NUP43: variants seen among roughly 807,000 people sequenced by gnomAD.
NUP43 encodes nucleoporin Nup43.
Under a neutral mutation model 47.3 loss-of-function variants are expected in NUP43, and 32 were observed. The ratio of observed to expected loss-of-function variants is 0.68; its 90% CI spans 0.51 to 0.91. The LOEUF is 0.91. NUP43 is among the 40% of genes least tolerant of loss of function. The pLI is 0.00. For synonymous variants in NUP43, 147 were observed against 158.4 expected, an observed-to-expected ratio of 0.93 and a Z score of 0.54; for missense variants, 444 against 453.9, an observed-to-expected ratio of 0.98 and a Z score of 0.20.
intron 4 of NUP43, among the ~76,000 whole-genome samples, chr6:149,740,615 G>A (rs1480351871): frequency 5.9e-5 from 9 of 152,158 alleles, no homozygotes; most frequent in Admixed American, 2.0e-4. Context: ...GTGACAGAGC[G>A]TGACTCCATC....
Position 149,726,838 on chromosome 6 carries a change from T to G in NUP43, c.*131A>C. On this transcript the variant is annotated 3_prime_UTR_variant, in exon 8 of 8. Transcript: ENST00000340413. The stretch of plus-strand genomic sequence containing the variant: ...GCTAACAAAAGTCAAAACTGGGCAT[T>G]GACATTAATGGTAGTTTACTGATGT... 7 of 682,742 alleles carry G rather than the reference T, an allele frequency of 1.0e-5. No individual in the cohort carries two copies. The highest frequency in any genetic ancestry group is 1.8e-5 in the Non-Finnish European group (7 of 394,766). The allele number at this position is 682,742 out of a possible 1,614,324, so 42.3% of individuals were successfully genotyped here. A position where few individuals can be genotyped will look rare whatever the true frequency, so the allele number is the denominator to read the frequency against.
chr6:149,742,896 C>T (rs1191107666), intron 3 of NUP43, among the ~76,000 whole-genome samples: 1 of 152,172 alleles, frequency 6.6e-6, no homozygotes, highest in Non-Finnish European at 1.5e-5. Context: ...ACATATCTGG[C>T]CCACGGCTGT....
chr6:149,744,556 G>A (rs1025274696), intron 2 of NUP43, among the ~76,000 whole-genome samples: 19 of 145,830 alleles, frequency 1.3e-4, no homozygotes, highest in African/African-American at 3.6e-4. Flanking sequence ...GGAAAATATC[G>A]TCTGGGCATG....
intron 2 of NUP43, 73 bp downstream of exon 2, chr6:149,745,867 T>C (rs1562386312): frequency 9.4e-6 from 13 of 1,387,724 alleles, no homozygotes; most frequent in Non-Finnish European, 1.3e-5. Flanking sequence ...AGACAACTTT[T>C]ATGATGCTCT....
upstream of NUP43, among the ~76,000 whole-genome samples, chr6:149,748,448 A>G (rs958257668): frequency 6.6e-6 from 1 of 152,232 alleles, no homozygotes; most frequent in Non-Finnish European, 1.5e-5. Flanking sequence ...ACAAAATCGG[A>G]TAAGAACTAG....
intron 4 of NUP43, among the ~76,000 whole-genome samples, chr6:149,739,500 T>C (rs190077627): frequency 8.5e-5 from 13 of 152,260 alleles, no homozygotes; most frequent in African/African-American, 2.9e-4. Context: ...TTGGCCAGGC[T>C]GGTCTCGAAC....
intron 5 of NUP43, 107 bp from the exon 6 acceptor site, chr6:149,736,729 C>T (rs1408011349): frequency 1.0e-6 from 1 of 957,056 alleles, no homozygotes; most frequent in African/African-American, 1.6e-5. Context: ...GCCTCACTTA[C>T]CCAGGCTGGA....
chr6:149,742,594 T>C, intron 3 of NUP43, 24 bp from the exon 4 acceptor site: 1 of 1,595,516 alleles, frequency 6.3e-7, no homozygotes, highest in East Asian at 2.2e-5. Flanking sequence ...ATGAGGATAC[T>C]ATTAAAGCAA....
chr6:149,746,117 TAA>T, intron 1 of NUP43, 55 bp from the exon 2 acceptor site: 1 of 1,588,124 alleles, frequency 6.3e-7, no homozygotes, highest in Non-Finnish European at 8.6e-7. Context: ...TCTCGGAAAA[TAA>T]AAGTTGTGCT....
intron 6 of NUP43, 52 bp downstream of exon 6, chr6:149,736,419 T>C (rs1785361668): frequency 1.5e-6 from 2 of 1,347,862 alleles, no homozygotes; most frequent in Admixed American, 3.9e-5. Context: ...GTGCTTATTA[T>C]ATGTCATATA....
At chr6:149,731,562 T>TAA (rs368188588) in intron 7 of NUP43, 51 bp downstream of exon 7, 29,669 of 1,280,364 alleles carry the variant, frequency 0.023, 6 homozygotes, top group East Asian at 0.047. Flanking sequence ...GACTCTGTCT[T>TAA]AAAAAAAAAA....
chr6:149,745,937 T>C lies in NUP43; in HGVS notation c.243+3A>G, dbSNP rs778524823. 1 of 1,607,554 alleles carries C rather than the reference T, an allele frequency of 6.2e-7. No homozygotes were observed. The highest frequency in any genetic ancestry group is 8.5e-7 in the Non-Finnish European group (1 of 1,177,854). On this transcript the variant is annotated splice_donor_region_variant and intron_variant, in intron 2 of 7. Transcript: ENST00000340413. ...TTAGCTTTTGGATGCTACACAGATT[T>C]ACCTGTAAATCCATTACATCACCAT...
chr6:149,739,105 C>A lies in NUP43; in HGVS notation c.503-327G>T, dbSNP rs551321484. On this transcript the variant is annotated intron_variant, in intron 4 of 7. Transcript: ENST00000340413. Reference sequence around the variant, plus strand: ...AAGCTATTCTCCTGCCTCAGCCTCCCAAATAGCTGGGATTAGAAATGTGCC... The same window carrying A: ...AAGCTATTCTCCTGCCTCAGCCTCCAAAATAGCTGGGATTAGAAATGTGCC... Among the ~76,000 whole-genome samples, 4 of 152,028 alleles carry A rather than the reference C, an allele frequency of 2.6e-5. No individual in the cohort carries two copies. In the East Asian group the frequency reaches 7.7e-4, roughly 29 times the overall value.
chr6:149,746,567 C>G (rs904732331), upstream of NUP43: 10 of 1,612,566 alleles, frequency 6.2e-6, no homozygotes, highest in Non-Finnish European at 8.5e-6. Flanking sequence ...CCTCTTCCCG[C>G]GGAACCCTGA....
intron 7 of NUP43, among the ~76,000 whole-genome samples, chr6:149,728,742 A>G (rs911700823): frequency 6.6e-6 from 1 of 152,104 alleles, no homozygotes; most frequent in Non-Finnish European, 1.5e-5. Flanking sequence ...CTGAGCTCCA[A>G]CCGTGGTGTC....
At chr6:149,736,237 A>T (rs1785346726) in intron 6 of NUP43, among the ~76,000 whole-genome samples, 1 of 151,958 alleles carries the variant, frequency 6.6e-6, no homozygotes, top group Non-Finnish European at 1.5e-5. Context: ...AGATAGCGCC[A>T]TTGCACTCCA....
rs1379022596 is a variant in NUP43, at chr6:149,736,424, C to G, written c.790+47G>C. 6 of 1,446,256 alleles carry G rather than the reference C, an allele frequency of 4.1e-6. No homozygotes were observed. The Admixed American group carries it at 1.1e-4, about 26-fold the overall frequency. The allele number at this position is 1,446,256 out of a possible 1,614,324, so 89.6% of individuals were successfully genotyped here. On this transcript the variant is annotated intron_variant, in intron 6 of 7. Coordinates refer to ENST00000340413, the MANE Select transcript of NUP43 (RefSeq NM_198887.3). ...TTATGGAAAGGTGCTTATTATATGTCATATAACTCACCCAATATAAACTTT... is the reference window on the plus strand; with the variant it reads ...TTATGGAAAGGTGCTTATTATATGTGATATAACTCACCCAATATAAACTTT...
chr6:149,745,143 G>C (rs1244959896), intron 2 of NUP43, among the ~76,000 whole-genome samples: 1 of 151,892 alleles, frequency 6.6e-6, no homozygotes, highest in African/African-American at 2.4e-5. Flanking sequence ...GCTCACTCCT[G>C]TAATCCCAGC....
intron 2 of NUP43, among the ~76,000 whole-genome samples, chr6:149,745,081 C>CAG (rs1320173935): frequency 2.0e-5 from 3 of 150,918 alleles, no homozygotes; most frequent in Non-Finnish European, 4.4e-5. Flanking sequence ...ATGGAAAATG[C>CAG]AGGGGCTCTC....
Sources: allele counts gnomAD v4.1 joint callset (sites outside exome capture counted in the v4.1 genomes callset), GRCh38; gene constraint gnomAD v4.1.1; transcripts MANE v1.5; gene names NCBI Gene and HGNC (gene_info 2026-07-23, HGNC 2026-07-21).